The following ABR variants were observed in gnomAD, a reference collection of about 807,000 sequenced individuals.
ABR encodes ABR activator of RhoGEF and GTPase, also known as active breakpoint cluster region-related protein.
In ABR, 35 loss-of-function variants were observed where a neutral mutation model predicts 107.2. The observed-to-expected ratio is 0.33, with a 90% confidence interval of 0.25 to 0.43. The LOEUF (loss-of-function observed/expected upper bound fraction) is 0.43, where lower values mean the gene tolerates loss of function less well. Ranked by LOEUF, ABR falls within the 20% of genes least tolerant of loss-of-function variation. ABR has a pLI of 1.00. For missense variants in ABR, 815 were observed against 1,115.2 expected (o/e 0.73, Z 3.83); for synonymous variants, 498 against 462.0 (o/e 1.08, Z -1.00).
rs143867413 is a variant in ABR, at chr17:1,056,105, A to G, written c.1491T>C (p.Asp497=). The G allele has an allele frequency of 1.0e-4, 164 of 1,614,084 alleles. No homozygotes were observed. In the African/African-American group the frequency reaches 1.8e-3, roughly 17 times the overall value. ...NIPVTSNKDD[D]ESPGLYGFLH... ...GGAAGCCATAGAGTCCTGGAGACTC[A>G]TCGTCTGCAAGAGAGAAAAGCCCCC... Residue 497 remains aspartate, a synonymous_variant, in exon 14 of 23, where the codon GAT becomes GAC. Transcript: ENST00000302538.
chr17:1,067,358 G>T, intron 9 of ABR, 116 bp from the exon 10 acceptor site: 1 of 1,020,294 alleles, frequency 9.8e-7, no homozygotes, highest in Admixed American at 3.0e-5. Flanking sequence ...CTCGCCAGAA[G>T]CAAGAACGAT....
chr17:1,099,161 C>T lies in ABR; in HGVS notation c.345+1476G>A, dbSNP rs540069610. 1.5e-3 allele frequency among the ~76,000 whole-genome samples: 225 copies of T among 151,630 alleles called. 1 individual carries two copies. The highest frequency in any genetic ancestry group is 2.6e-3 in the Admixed American group (40 of 15,226). ...CGCACTCTCAGCTCACTACGACCTT[C>T]GCCCCCAGATTCAAGCAATTCTCAT... On this transcript the variant is annotated intron_variant, in intron 3 of 22. Transcript: ENST00000302538.
chr17:1,057,985 T>C lies in ABR; in HGVS notation c.1366A>G (p.Lys456Glu), dbSNP rs1178227568. ...ERSEWREAIQ[K>E]LQKKDLQAFV... ...AGGAATTTACCCTTCTTCTGTAGTT[T>C]CTGAATTGCTTCTCTCCACTCTGAC... Residue 456 changes from lysine to glutamate, a missense_variant, in exon 12 of 23, where the codon AAA becomes GAA. Lys to Glu is a moderately conservative substitution (Grantham distance 56, BLOSUM62 1). Transcript: ENST00000302538. 6 of 1,613,800 alleles carry C rather than the reference T, an allele frequency of 3.7e-6. No individual in the cohort carries two copies. The highest frequency in any genetic ancestry group is 5.1e-6 in the Non-Finnish European group (6 of 1,179,886).
At chr17:1,204,274 G>A (rs968780215) in intron 1 of ABR, among the ~76,000 whole-genome samples, 2 of 152,184 alleles carry the variant, frequency 1.3e-5, no homozygotes, top group African/African-American at 2.4e-5. Flanking sequence ...GTGAAACCCC[G>A]TCTCTACTAA....
chr17:1,101,825 C>T (rs1429598346), intron 2 of ABR, among the ~76,000 whole-genome samples: 1 of 151,854 alleles, frequency 6.6e-6, no homozygotes, highest in Non-Finnish European at 1.5e-5. Context: ...GCTCCGCCTC[C>T]CGGGTTCACG....
At chr17:1,080,244 C>A (rs919117701) in intron 5 of ABR, among the ~76,000 whole-genome samples, 6 of 152,114 alleles carry the variant, frequency 3.9e-5, no homozygotes, top group Non-Finnish European at 5.9e-5. Context: ...ACACTCCCCA[C>A]CCACCACTGC....
chr17:1,201,172 G>C (rs1324469389), intron 1 of ABR, among the ~76,000 whole-genome samples: 1 of 152,214 alleles, frequency 6.6e-6, no homozygotes, highest in Non-Finnish European at 1.5e-5. Context: ...GTTCACATCA[G>C]CAATAGCTTC....
chr17:1,043,804 G>T (rs1031904482), intron 16 of ABR, among the ~76,000 whole-genome samples: 1 of 152,256 alleles, frequency 6.6e-6, no homozygotes, highest in Non-Finnish European at 1.5e-5. Context: ...TGGCAGGCAC[G>T]TGGGGAAGTG....
intron 18 of ABR, 122 bp from the exon 19 acceptor site, chr17:1,012,107 G>A (rs767547721): frequency 2.2e-4 from 330 of 1,485,782 alleles, no homozygotes; most frequent in Middle Eastern, 6.8e-4. Context: ...AGCTGGGGCG[G>A]GGGCAGGGGC....
intron 2 of ABR, among the ~76,000 whole-genome samples, chr17:1,102,595 G>A (rs114436345): frequency 0.022 from 3,287 of 152,284 alleles, 140 homozygotes; most frequent in African/African-American, 0.074. Context: ...AATTTGTGTC[G>A]GGCCACATTC....
At chr17:1,178,590 G>C (rs62070495) in intron 1 of ABR, among the ~76,000 whole-genome samples, 5,359 of 148,288 alleles carry the variant, frequency 0.036, 167 homozygotes, top group East Asian at 0.15. Flanking sequence ...GAAAGAAAAC[G>C]CTCCTGTTCC....
chr17:1,203,471 G>T, intron 1 of ABR, among the ~76,000 whole-genome samples: 1 of 92,922 alleles, frequency 1.1e-5, no homozygotes, highest in African/African-American at 4.7e-5. Context: ...CGGGGACGGA[G>T]TCTGCGGGGG....
chr17:1,118,026 G>A (rs149313467), intron 2 of ABR, among the ~76,000 whole-genome samples: 1 of 38,430 alleles, frequency 2.6e-5, no homozygotes, highest in Non-Finnish European at 5.6e-5. Context: ...TCTCCCCAGC[G>A]TTATCGCTGA....
At chr17:1,222,801 T>C (rs2043142189) in intron 1 of ABR, among the ~76,000 whole-genome samples, 1 of 151,592 alleles carries the variant, frequency 6.6e-6, no homozygotes, top group Non-Finnish European at 1.5e-5. Context: ...TCCAGCTACA[T>C]GGGAGGCTGA....
intron 2 of ABR, among the ~76,000 whole-genome samples, chr17:1,122,877 C>T (rs559359362): frequency 6.6e-5 from 10 of 152,310 alleles, no homozygotes; most frequent in Admixed American, 2.0e-4. Flanking sequence ...GAAGGCCCAG[C>T]GATAAGGCGG....
At chr17:1,100,958 G>A (rs2037823989) in intron 2 of ABR, 2 of 564,698 alleles carry the variant, frequency 3.5e-6, no homozygotes, top group East Asian at 2.9e-5. Context: ...CGAGTAGCTG[G>A]GATTACAGGC....
intron 16 of ABR, among the ~76,000 whole-genome samples, chr17:1,036,642 C>T (rs551166618): frequency 5.7e-4 from 87 of 151,758 alleles, no homozygotes; most frequent in Admixed American, 3.3e-3. Context: ...GGGTGCCCAG[C>T]GCCCACACAG....
rs1161203372 is a variant in ABR, at chr17:1,051,350, G to C, written c.1562-716C>G. On this transcript the variant is annotated intron_variant, in intron 14 of 22. Coordinates refer to ENST00000302538, the MANE Select transcript of ABR (RefSeq NM_021962.5). This position sits in a 1 kb window ranked among gnomAD's most constrained non-coding sequence, Gnocchi z 4.3. ...CCCGCAGTACCAAGAACAGGGCTGG[G>C]AACCCAGCTGGCACACGGTGAACGA... 6.6e-6 allele frequency among the ~76,000 whole-genome samples: 1 copy of C among 150,882 alleles called. No individual in the cohort carries two copies. The highest frequency in any genetic ancestry group is 6.6e-5 in the Admixed American group (1 of 15,168).
chr17:1,004,737 C>T lies in ABR; in HGVS notation c.*1343G>A, dbSNP rs542637327. 12 of 290,766 alleles carry T rather than the reference C, an allele frequency of 4.1e-5. No homozygotes were observed. In the East Asian group the frequency reaches 4.9e-4, roughly 12 times the overall value. The allele number at this position is 290,766 out of a possible 1,614,324, so 18.0% of individuals were successfully genotyped here. Reference sequence around the variant, plus strand: ...CCCAGCAGAACCCAGCCCCTAGAGGCGGCTGTCTGATTCCCCACTCTCCCC... The same window carrying T: ...CCCAGCAGAACCCAGCCCCTAGAGGTGGCTGTCTGATTCCCCACTCTCCCC... On this transcript the variant is annotated 3_prime_UTR_variant, in exon 23 of 23. Coordinates refer to ENST00000302538, the MANE Select transcript of ABR (RefSeq NM_021962.5).
Sources: allele counts gnomAD v4.1 joint callset (sites outside exome capture counted in the v4.1 genomes callset), GRCh38; gene constraint gnomAD v4.1.1; non-coding constraint Gnocchi (gnomAD v3.1); transcripts MANE v1.5; gene names NCBI Gene and HGNC (gene_info 2026-07-23, HGNC 2026-07-21).